The following CYFIP2 variants were observed in gnomAD, a reference collection of about 807,000 sequenced individuals.
CYFIP2 encodes cytoplasmic FMR1 interacting protein 2, also known as cytoplasmic FMR1-interacting protein 2.
CYFIP2 carries 29 observed loss-of-function variants against 158.7 expected under a neutral mutation model. The observed-to-expected ratio is 0.18, with a 90% confidence interval of 0.14 to 0.25. CYFIP2 has a LOEUF of 0.25. Ranked by LOEUF, CYFIP2 falls within the 10% of genes least tolerant of loss-of-function variation. The pLI is 1.00. For synonymous variants in CYFIP2, 585 were observed against 617.6 expected, an observed-to-expected ratio of 0.95 and a Z score of 0.78; for missense variants, 852 against 1,639.5, an observed-to-expected ratio of 0.52 and a Z score of 8.29.
intron 30 of CYFIP2, among the ~76,000 whole-genome samples, chr5:157,391,451 T>G (rs1767277123): frequency 6.6e-6 from 1 of 152,156 alleles, no homozygotes; most frequent in Admixed American, 6.5e-5. Context: ...AATAATTCCA[T>G]TTTCTCCCCA....
At chr5:157,342,073 C>T (rs1561746109) in intron 23 of CYFIP2, 1 of 152,610 alleles carries the variant, frequency 6.6e-6, no homozygotes, top group Non-Finnish European at 1.5e-5. Flanking sequence ...CACTGGATCT[C>T]CCTTTTTATC....
chr5:157,308,841 G>C (rs952408389), intron 9 of CYFIP2, among the ~76,000 whole-genome samples: 2 of 152,198 alleles, frequency 1.3e-5, no homozygotes, highest in African/African-American at 4.8e-5. Context: ...GAGGGTAGAA[G>C]AGAAATACAA....
chr5:157,330,509 G>A (rs1167879899), intron 19 of CYFIP2, among the ~76,000 whole-genome samples: 1 of 152,144 alleles, frequency 6.6e-6, no homozygotes, highest in East Asian at 1.9e-4. Context: ...AGAGGAAAGT[G>A]GCTCAACTTC....
chr5:157,375,199 CAG>C (rs1765346310), intron 26 of CYFIP2, among the ~76,000 whole-genome samples: 1 of 152,200 alleles, frequency 6.6e-6, no homozygotes, highest in African/African-American at 2.4e-5. Context: ...AATGGCCACT[CAG>C]AGATGAGACC....
chr5:157,274,839 A>G (rs1200969035), intron 1 of CYFIP2, among the ~76,000 whole-genome samples: 1 of 152,212 alleles, frequency 6.6e-6, no homozygotes, highest in African/African-American at 2.4e-5. Flanking sequence ...CTTATTGGCT[A>G]TGTGTATATC....
rs559201145 is a variant in CYFIP2 at position 157,292,197 on chromosome 5, T to C, written c.208-2586T>C. On this transcript the variant is annotated intron_variant, in intron 3 of 30. Transcript: ENST00000620254. ...AACATAATGTTTTCTTTCTTTCTTTTTCTTTTTTCTTTTTTTATTTTTATT... is the reference window on the plus strand; with the variant it reads ...AACATAATGTTTTCTTTCTTTCTTTCTCTTTTTTCTTTTTTTATTTTTATT... Among the ~76,000 whole-genome samples the C allele has an allele frequency of 9.4e-4, 132 of 141,020 alleles. 1 individual carries two copies. The highest frequency in any genetic ancestry group is 2.9e-3 in the African/African-American group (117 of 40,824). The allele number at this position is 141,020 out of a possible 152,430, so 92.5% of individuals were successfully genotyped here. A position where few individuals can be genotyped will look rare whatever the true frequency, so the allele number is the denominator to read the frequency against.
chr5:157,269,484 C>G (rs1191416361), intron 1 of CYFIP2: 1 of 152,092 alleles, frequency 6.6e-6, no homozygotes, highest in Non-Finnish European at 1.5e-5. Context: ...TGCTGTGTGC[C>G]CTTAAACCAG....
intron 1 of CYFIP2, among the ~76,000 whole-genome samples, chr5:157,270,731 C>T (rs1252535528): frequency 2.6e-5 from 4 of 152,186 alleles, no homozygotes; most frequent in Non-Finnish European, 5.9e-5. Context: ...AAAGAACTCT[C>T]CTCAGATTCT....
rs1014775811 is a variant in CYFIP2, at chr5:157,325,990, T to C, written c.1983-181T>C. 1.8e-5 allele frequency: 11 copies of C among 595,056 alleles called. No individual in the cohort carries two copies. The Admixed American group carries it at 3.1e-4, about 17-fold the overall frequency. 36.9% of individuals were successfully genotyped at this position (595,056 alleles called of 1,614,324 possible). A position where few individuals can be genotyped will look rare whatever the true frequency, so the allele number is the denominator to read the frequency against. ...GGTTTTATTTGCACCCTGGACTTTT[T>C]CTTTGGACTGACTGTAAAGTAAGTT... On this transcript the variant is annotated intron_variant, in intron 17 of 30. Coordinates refer to ENST00000620254, the MANE Select transcript of CYFIP2 (RefSeq NM_001037333.3).
At chr5:157,286,552 G>GTGTATATATA (rs762316044) in intron 2 of CYFIP2, among the ~76,000 whole-genome samples, 1 of 138,130 alleles carries the variant, frequency 7.2e-6, no homozygotes, top group African/African-American at 2.7e-5. Flanking sequence ...GCTATTTTAT[G>GTGTATATATA]TATATATATA....
intron 12 of CYFIP2, 141 bp from the exon 13 acceptor site, chr5:157,314,828 A>T (rs2113067222): frequency 1.4e-6 from 1 of 715,970 alleles, no homozygotes; most frequent in Non-Finnish European, 2.3e-6. Context: ...TTGCATACTT[A>T]CAAGGTTTTT....
chr5:157,387,339 A>G (rs1031800155), intron 28 of CYFIP2, among the ~76,000 whole-genome samples: 1 of 152,140 alleles, frequency 6.6e-6, no homozygotes, highest in Non-Finnish European at 1.5e-5. Flanking sequence ...GGCCCTTTTC[A>G]TTGGCTGTAG....
intron 3 of CYFIP2, among the ~76,000 whole-genome samples, chr5:157,287,875 T>C (rs1222362106): frequency 6.6e-6 from 1 of 152,178 alleles, no homozygotes; most frequent in African/African-American, 2.4e-5. Context: ...GGAAGATCCC[T>C]TGAGCCCAGG....
chr5:157,346,397 A>G (rs186924695), intron 23 of CYFIP2, among the ~76,000 whole-genome samples: 6 of 152,330 alleles, frequency 3.9e-5, no homozygotes, highest in Admixed American at 1.3e-4. Context: ...CTCAAGATGA[A>G]ATCTTCCTGG....
intron 14 of CYFIP2, 115 bp from the exon 15 acceptor site, chr5:157,320,540 C>T (rs1294355545): frequency 1.5e-6 from 2 of 1,373,490 alleles, no homozygotes; most frequent in Non-Finnish European, 2.0e-6. Flanking sequence ...TTACAAGCAC[C>T]CCAAGAATTC....
chr5:157,341,317 G>A (rs562945140), intron 23 of CYFIP2, among the ~76,000 whole-genome samples, 160 bp downstream of exon 23: 23 of 152,238 alleles, frequency 1.5e-4, no homozygotes, highest in East Asian at 5.8e-4. Flanking sequence ...TCAGGAGACC[G>A]AGACCAGTGG....
intron 20 of CYFIP2, among the ~76,000 whole-genome samples, chr5:157,332,582 T>C (rs1453731495): frequency 6.6e-6 from 1 of 152,212 alleles, no homozygotes; most frequent in Non-Finnish European, 1.5e-5. Flanking sequence ...AGTTATGTCC[T>C]TTGTAATTTT....
intron 4 of CYFIP2, chr5:157,296,351 T>C: frequency 2.7e-6 from 1 of 368,632 alleles, no homozygotes; most frequent in South Asian, 2.0e-5. Flanking sequence ...CCCAGCAATT[T>C]GGGAGGCTGA....
chr5:157,335,639 T>G (rs1214048268), intron 21 of CYFIP2, among the ~76,000 whole-genome samples: 1 of 152,126 alleles, frequency 6.6e-6, no homozygotes, highest in Non-Finnish European at 1.5e-5. Context: ...TTTTGGGTGA[T>G]TTCTTAGGGC....
Sources: gnomAD v4.1 joint callset for allele counts (sites outside exome capture counted in the v4.1 genomes callset) on GRCh38, gnomAD v4.1.1 for gene constraint, MANE v1.5 for transcripts, NCBI Gene and HGNC (gene_info 2026-07-23, HGNC 2026-07-21) for gene names.